CAMK2D: variants seen among roughly 807,000 people sequenced by gnomAD.
CAMK2D encodes calcium/calmodulin-dependent protein kinase type II subunit delta.
CAMK2D carries 37 observed loss-of-function variants against 84.0 expected under a neutral mutation model. The observed-to-expected ratio is 0.44, with a 90% confidence interval of 0.34 to 0.58. The LOEUF (loss-of-function observed/expected upper bound fraction) is 0.58, where lower values mean the gene tolerates loss of function less well. Ranked by LOEUF, CAMK2D falls within the 20% of genes least tolerant of loss-of-function variation. CAMK2D has a pLI of 0.02. For synonymous variants in CAMK2D, 202 were observed against 212.5 expected (o/e 0.95, Z 0.43); for missense variants, 448 against 652.5 (o/e 0.69, Z 3.41).
At chr4:113,636,813 G>A (rs1013244661) in intron 3 of CAMK2D, among the ~76,000 whole-genome samples, 5 of 152,162 alleles carry the variant, frequency 3.3e-5, no homozygotes, top group Admixed American at 6.5e-5. Flanking sequence ...CCATCACATT[G>A]GGGATTTGAA....
chr4:113,521,184 TAACGC>T (rs146482911), intron 8 of CAMK2D, among the ~76,000 whole-genome samples: 3,701 of 152,286 alleles, frequency 0.024, 119 homozygotes, highest in African/African-American at 0.084. Flanking sequence ...GTTTTTAAAA[TAACGC>T]ATTGGCTCCC....
intron 3 of CAMK2D, among the ~76,000 whole-genome samples, chr4:113,618,956 T>C (rs1240080658): frequency 6.6e-6 from 1 of 152,194 alleles, no homozygotes; most frequent in Non-Finnish European, 1.5e-5. Flanking sequence ...AATAATTATC[T>C]ATTTATCATG....
chr4:113,710,515 A>C (rs1194278896), intron 2 of CAMK2D, among the ~76,000 whole-genome samples: 3 of 152,172 alleles, frequency 2.0e-5, no homozygotes, highest in African/African-American at 7.2e-5. Context: ...CACAGCTATC[A>C]ATCGATTATT....
At chr4:113,494,556 G>T (rs1439471646) in intron 16 of CAMK2D, among the ~76,000 whole-genome samples, 1 of 152,216 alleles carries the variant, frequency 6.6e-6, no homozygotes, top group Non-Finnish European at 1.5e-5. Context: ...TGTCAGACAG[G>T]GACATTTAAG....
intron 2 of CAMK2D, among the ~76,000 whole-genome samples, chr4:113,691,023 A>C (rs2099385521): frequency 6.6e-6 from 1 of 152,214 alleles, no homozygotes; most frequent in Non-Finnish European, 1.5e-5. Context: ...CAAGCAGAGT[A>C]ATTAAGATTC....
At chr4:113,674,648 G>A (rs1241713077) in intron 2 of CAMK2D, among the ~76,000 whole-genome samples, 1 of 151,990 alleles carries the variant, frequency 6.6e-6, no homozygotes, top group African/African-American at 2.4e-5. Flanking sequence ...CTCTCCCATG[G>A]GAAATTAACA....
chr4:113,633,476 C>T (rs1011457796), intron 3 of CAMK2D, among the ~76,000 whole-genome samples: 3 of 152,156 alleles, frequency 2.0e-5, no homozygotes, highest in Non-Finnish European at 4.4e-5. Context: ...AGTCACTGCT[C>T]CAAATAATGT....
At chr4:113,532,482 T>C (rs1441671362) in intron 7 of CAMK2D, among the ~76,000 whole-genome samples, 3 of 152,200 alleles carry the variant, frequency 2.0e-5, no homozygotes, top group Non-Finnish European at 4.4e-5. Context: ...TGAGCAATAA[T>C]GGTGGTTCCA....
intron 17 of CAMK2D, among the ~76,000 whole-genome samples, chr4:113,463,977 G>C (rs914925193): frequency 2.6e-5 from 4 of 152,140 alleles, no homozygotes; most frequent in African/African-American, 9.7e-5. Context: ...TTACAGTAAA[G>C]TGAGACTTTA....
chr4:113,676,412 GC>G (rs2154330803), intron 2 of CAMK2D, among the ~76,000 whole-genome samples: 1 of 152,124 alleles, frequency 6.6e-6, no homozygotes, highest in East Asian at 1.9e-4. Context: ...TCCTAGAGTG[GC>G]TTTTTTTTCA....
chr4:113,721,862 A>G (rs1303137032), intron 2 of CAMK2D, among the ~76,000 whole-genome samples: 2 of 152,278 alleles, frequency 1.3e-5, no homozygotes, highest in Non-Finnish European at 2.9e-5. Flanking sequence ...ATTGTAACAA[A>G]TGTTATCTTC....
intron 2 of CAMK2D, among the ~76,000 whole-genome samples, chr4:113,693,593 T>C (rs1369704640): frequency 6.6e-6 from 1 of 152,184 alleles, no homozygotes; most frequent in Non-Finnish European, 1.5e-5. Context: ...TCATATTCCC[T>C]GCATTCCACC....
At chr4:113,455,697 A>G in intron 20 of CAMK2D, 29 bp downstream of exon 20, 3 of 1,262,652 alleles carry the variant, frequency 2.4e-6, no homozygotes, top group Non-Finnish European at 3.5e-6. Flanking sequence ...CTCCAGTCAC[A>G]AAGTATCACG....
chr4:113,491,555 T>C (rs1223337228), intron 16 of CAMK2D, among the ~76,000 whole-genome samples: 2 of 152,008 alleles, frequency 1.3e-5, no homozygotes, highest in African/African-American at 4.8e-5. Context: ...CAGTATTTTA[T>C]TGAGGATTTT....
At chr4:113,545,683 G>A (rs1413585789) in intron 6 of CAMK2D, among the ~76,000 whole-genome samples, 2 of 152,172 alleles carry the variant, frequency 1.3e-5, no homozygotes, top group Non-Finnish European at 2.9e-5. Context: ...ACTGAAGCAA[G>A]CACTGAGAAC....
chr4:113,716,591 T>C (rs1227060323), intron 2 of CAMK2D, among the ~76,000 whole-genome samples: 2 of 136,022 alleles, frequency 1.5e-5, no homozygotes, highest in Non-Finnish European at 3.0e-5. Flanking sequence ...GTGGAGGTTG[T>C]AGTGAGCTGA....
chr4:113,688,917 A>AAAAAAAAAAAAAAAAAAAAAAAAAAAAC, intron 2 of CAMK2D, among the ~76,000 whole-genome samples: 1 of 147,890 alleles, frequency 6.8e-6, no homozygotes, highest in Non-Finnish European at 1.5e-5. Context: ...ATGCAAAAAA[A>AAAAAAAAAAAAAAAAAAAAAAAAAAAAC]AAAAAAAAAA....
intron 2 of CAMK2D, among the ~76,000 whole-genome samples, chr4:113,692,931 A>G (rs1055318062): frequency 6.6e-6 from 1 of 152,132 alleles, no homozygotes; most frequent in Non-Finnish European, 1.5e-5. Context: ...AATTTGCAGA[A>G]CTGCTTATAA....
intron 4 of CAMK2D, among the ~76,000 whole-genome samples, chr4:113,589,644 A>G (rs952574308): frequency 2.6e-5 from 4 of 152,086 alleles, no homozygotes; most frequent in African/African-American, 9.7e-5. Context: ...GACCTTAGAG[A>G]GATGAGGAGA....
Sources: gnomAD v4.1 joint callset for allele counts (sites outside exome capture counted in the v4.1 genomes callset) on GRCh38, gnomAD v4.1.1 for gene constraint, MANE v1.5 for transcripts, NCBI Gene and HGNC (gene_info 2026-07-23, HGNC 2026-07-21) for gene names.